The following CA10 variants were observed in gnomAD, a reference collection of about 807,000 sequenced individuals.
CA10 encodes the protein carbonic anhydrase-related protein 10.
CA10 carries 14 observed loss-of-function variants against 44.2 expected under a neutral mutation model. The observed-to-expected ratio is 0.32, with a 90% confidence interval of 0.21 to 0.50. The LOEUF (loss-of-function observed/expected upper bound fraction) is 0.50. Among genes scored for constraint, CA10 ranks in the 20% least tolerant of loss-of-function variants. The probability of loss-of-function intolerance (pLI) is 0.99; values close to 1 mark genes in which losing one functional copy is unlikely to be tolerated. For synonymous variants in CA10, 159 were observed against 141.6 expected (o/e 1.12, Z -0.87); for missense variants, 350 against 409.7 (o/e 0.85, Z 1.26).
intron 3 of CA10, among the ~76,000 whole-genome samples, chr17:51,845,414 C>T (rs1000256230): frequency 2.0e-5 from 3 of 152,204 alleles, no homozygotes; most frequent in Non-Finnish European, 4.4e-5. Context: ...CTGCCATGGC[C>T]ATGTGAGTGA....
At chr17:51,890,652 G>A (rs1335507654) in intron 3 of CA10, among the ~76,000 whole-genome samples, 1 of 152,182 alleles carries the variant, frequency 6.6e-6, no homozygotes, top group Non-Finnish European at 1.5e-5. Context: ...GTATATTAAA[G>A]CAAAGTAAGC....
intron 3 of CA10, among the ~76,000 whole-genome samples, chr17:51,855,097 G>A (rs1028358395): frequency 9.9e-5 from 15 of 152,120 alleles, no homozygotes; most frequent in African/African-American, 2.2e-4. Context: ...AAATCACCCC[G>A]GGTGTGCCTA....
chr17:51,903,737 T>C (rs1433200714), intron 3 of CA10, among the ~76,000 whole-genome samples: 2 of 152,172 alleles, frequency 1.3e-5, no homozygotes, highest in Non-Finnish European at 2.9e-5. Flanking sequence ...GTACCCCATC[T>C]ACATTATGTC....
chr17:51,742,291 C>A (rs2143591255), intron 4 of CA10, among the ~76,000 whole-genome samples: 1 of 152,274 alleles, frequency 6.6e-6, no homozygotes, highest in African/African-American at 2.4e-5. Flanking sequence ...CATCCCAATC[C>A]TCATTTCCTC....
chr17:52,052,517 A>G (rs567865842), intron 2 of CA10, among the ~76,000 whole-genome samples: 1 of 152,186 alleles, frequency 6.6e-6, no homozygotes, highest in East Asian at 1.9e-4. Context: ...TACAGAAAAG[A>G]TATTAGAAAA....
chr17:52,141,812 G>T (rs1471732268), intron 1 of CA10, among the ~76,000 whole-genome samples: 2 of 152,158 alleles, frequency 1.3e-5, no homozygotes, highest in African/African-American at 4.8e-5. Flanking sequence ...TGAGAATGTG[G>T]AAAAACCTAT....
At chr17:52,101,350 G>C (rs560430546) in intron 1 of CA10, among the ~76,000 whole-genome samples, 3 of 152,280 alleles carry the variant, frequency 2.0e-5, no homozygotes, top group African/African-American at 7.2e-5. Context: ...AAGGACCCTT[G>C]TATGAAAAGA....
At chr17:51,716,686 T>C (rs142385224) in intron 4 of CA10, among the ~76,000 whole-genome samples, 247 of 152,270 alleles carry the variant, frequency 1.6e-3, no homozygotes, top group African/African-American at 5.4e-3. Flanking sequence ...CCATAGCATC[T>C]TGTAGGGGAA....
chr17:51,783,564 T>A (rs1281162197), intron 3 of CA10, among the ~76,000 whole-genome samples: 2 of 151,674 alleles, frequency 1.3e-5, no homozygotes, highest in Non-Finnish European at 2.9e-5. Context: ...CTTTTTCTAT[T>A]CCCTATACTG....
intron 3 of CA10, among the ~76,000 whole-genome samples, chr17:51,822,776 T>C (rs185640327): frequency 1.2e-3 from 184 of 152,292 alleles, no homozygotes; most frequent in African/African-American, 4.4e-3. Context: ...TTTTGAAGAA[T>C]TGAAAGGTGT....
chr17:51,857,558 C>T (rs1163450821), intron 3 of CA10, among the ~76,000 whole-genome samples: 1 of 152,146 alleles, frequency 6.6e-6, no homozygotes, highest in Non-Finnish European at 1.5e-5. Flanking sequence ...ATGATGCTGG[C>T]CCAATTTATC....
chr17:51,947,224 C>CAAAAAAAAAAAAAA, intron 2 of CA10, among the ~76,000 whole-genome samples: 1 of 52,136 alleles, frequency 1.9e-5, no homozygotes, highest in Non-Finnish European at 3.7e-5. Flanking sequence ...TCTTCATGTG[C>CAAAAAAAAAAAAAA]AAAAAAAAAA....
At chr17:51,741,188 G>T (rs1485045899) in intron 4 of CA10, among the ~76,000 whole-genome samples, 1 of 152,182 alleles carries the variant, frequency 6.6e-6, no homozygotes, top group African/African-American at 2.4e-5. Context: ...GCATGACTGG[G>T]TGAGCTCTAG....
chr17:51,788,445 T>A (rs1042943475), intron 3 of CA10, among the ~76,000 whole-genome samples: 1 of 152,232 alleles, frequency 6.6e-6, no homozygotes, highest in African/African-American at 2.4e-5. Context: ...AAATGTTCTG[T>A]AAATATCTAC....
chr17:51,678,679 G>A (rs894902150), intron 4 of CA10, among the ~76,000 whole-genome samples: 2 of 152,212 alleles, frequency 1.3e-5, no homozygotes, highest in Non-Finnish European at 2.9e-5. Flanking sequence ...CTAAGACAGG[G>A]CCATAGGAAT....
At chr17:51,869,334 G>A (rs948541688) in intron 3 of CA10, among the ~76,000 whole-genome samples, 2 of 152,128 alleles carry the variant, frequency 1.3e-5, no homozygotes, top group Non-Finnish European at 2.9e-5. Context: ...AGGTCAGAAA[G>A]CCTAAGAGCT....
At chr17:51,766,147 A>G (rs1174964091) in intron 3 of CA10, among the ~76,000 whole-genome samples, 2 of 152,180 alleles carry the variant, frequency 1.3e-5, no homozygotes, top group African/African-American at 4.8e-5. Flanking sequence ...AGGCAGCCCT[A>G]GCCAATGATA....
At chr17:52,060,397 G>C (rs776411612) in intron 2 of CA10, among the ~76,000 whole-genome samples, 3 of 151,854 alleles carry the variant, frequency 2.0e-5, no homozygotes, top group Admixed American at 6.6e-5. Flanking sequence ...GAAAAACTCG[G>C]ATATTAAAAA....
chr17:51,889,421 G>T (rs1298343437), intron 3 of CA10, among the ~76,000 whole-genome samples: 1 of 152,182 alleles, frequency 6.6e-6, no homozygotes, highest in Non-Finnish European at 1.5e-5. Flanking sequence ...CTAACCAGGA[G>T]GCTGAGGTGG....
Sources: gnomAD v4.1 joint callset for allele counts (sites outside exome capture counted in the v4.1 genomes callset) on GRCh38, gnomAD v4.1.1 for gene constraint, MANE v1.5 for transcripts, NCBI Gene and HGNC (gene_info 2026-07-23, HGNC 2026-07-21) for gene names.